GRM7: variants seen among roughly 807,000 people sequenced by gnomAD.
GRM7 encodes the protein metabotropic glutamate receptor 7.
GRM7 carries 35 observed loss-of-function variants against 84.5 expected under a neutral mutation model. The ratio of observed to expected loss-of-function variants is 0.41; its 90% CI spans 0.32 to 0.55. The LOEUF (loss-of-function observed/expected upper bound fraction) is 0.55. Among genes scored for constraint, GRM7 ranks in the 20% least tolerant of loss-of-function variants. GRM7 has a pLI of 0.19. For missense variants in GRM7, 1,003 were observed against 1,194.6 expected, an observed-to-expected ratio of 0.84 and a Z score of 2.36; for synonymous variants, 487 against 455.1, an observed-to-expected ratio of 1.07 and a Z score of -0.89.
At chr3:7,275,008 T>C (rs1013093529) in intron 2 of GRM7, among the ~76,000 whole-genome samples, 1 of 152,168 alleles carries the variant, frequency 6.6e-6, no homozygotes, top group Non-Finnish European at 1.5e-5. Context: ...TGTTTGCTTT[T>C]CCATTTTGGA....
chr3:7,274,166 A>G (rs1234801788), intron 2 of GRM7, among the ~76,000 whole-genome samples: 1 of 152,046 alleles, frequency 6.6e-6, no homozygotes, highest in Non-Finnish European at 1.5e-5. Context: ...TAGTATCAAA[A>G]TAATTCTAAT....
Position 7,562,546 on chromosome 3 carries a change from G to T in GRM7, c.1516-15876G>T, listed in dbSNP as rs574517063. On this transcript the variant is annotated intron_variant, in intron 7 of 9. Transcript: ENST00000357716. ...GTTCATGTTCTATAAGTTTTGCAATGACCCTACGAGTTCTTCTAGCCCAAG... is the reference window on the plus strand; with the variant it reads ...GTTCATGTTCTATAAGTTTTGCAATTACCCTACGAGTTCTTCTAGCCCAAG... Among the ~76,000 whole-genome samples the T allele has an allele frequency of 8.5e-5, 13 of 152,160 alleles. No homozygotes were observed. In the South Asian group the frequency reaches 2.7e-3, roughly 32 times the overall value.
At chr3:7,539,000 C>G (rs1217338669) in intron 7 of GRM7, among the ~76,000 whole-genome samples, 1 of 152,104 alleles carries the variant, frequency 6.6e-6, no homozygotes, top group Non-Finnish European at 1.5e-5. Flanking sequence ...AGCCCCACAC[C>G]AAAATTAACT....
chr3:6,983,944 C>A (rs554332166), intron 1 of GRM7, among the ~76,000 whole-genome samples: 1 of 152,164 alleles, frequency 6.6e-6, no homozygotes, highest in Non-Finnish European at 1.5e-5. Context: ...ACAAAACAAT[C>A]AAAATAACCC....
chr3:7,510,689 A>G (rs1700172854), intron 7 of GRM7, among the ~76,000 whole-genome samples: 1 of 152,212 alleles, frequency 6.6e-6, no homozygotes, highest in South Asian at 2.1e-4. Context: ...CCTGCTGTCT[A>G]TCATTGTGCA....
chr3:7,049,044 A>G (rs1696899329), intron 1 of GRM7, among the ~76,000 whole-genome samples: 1 of 152,018 alleles, frequency 6.6e-6, no homozygotes, highest in Non-Finnish European at 1.5e-5. Flanking sequence ...AATAAATTAT[A>G]TTCAATCAAT....
chr3:7,155,220 G>T (rs150538567), intron 2 of GRM7, among the ~76,000 whole-genome samples: 1 of 152,082 alleles, frequency 6.6e-6, no homozygotes, highest in African/African-American at 2.4e-5. Context: ...TGGCTTTTGG[G>T]AAAATAGGAC....
chr3:6,985,036 G>T (rs988367670), intron 1 of GRM7, among the ~76,000 whole-genome samples: 6 of 152,074 alleles, frequency 3.9e-5, no homozygotes, highest in Non-Finnish European at 8.8e-5. Flanking sequence ...ACACCTCCTG[G>T]TGTTTCCGCC....
intron 2 of GRM7, among the ~76,000 whole-genome samples, chr3:7,274,418 T>G (rs1698977666): frequency 6.6e-6 from 1 of 152,216 alleles, no homozygotes; most frequent in South Asian, 2.1e-4. Flanking sequence ...AAAAAACTTT[T>G]AACATTTTTT....
At chr3:7,647,393 T>C (rs1698696485) in intron 8 of GRM7, among the ~76,000 whole-genome samples, 1 of 152,002 alleles carries the variant, frequency 6.6e-6, no homozygotes, top group African/African-American at 2.4e-5. Context: ...ACCAACTAAC[T>C]CAACTGGGAA....
At chr3:7,394,777 C>G (rs184688314) in intron 4 of GRM7, among the ~76,000 whole-genome samples, 71 of 152,148 alleles carry the variant, frequency 4.7e-4, no homozygotes, top group African/African-American at 1.7e-3. Flanking sequence ...GTGGCTCATG[C>G]CTGTAATCCC....
intron 4 of GRM7, among the ~76,000 whole-genome samples, chr3:7,320,476 C>G (rs1177707510): frequency 6.6e-6 from 1 of 152,040 alleles, no homozygotes; most frequent in Non-Finnish European, 1.5e-5. Flanking sequence ...TCAGACTCTT[C>G]TCTCTATCCC....
At chr3:7,059,033 A>G (rs760520522) in intron 1 of GRM7, among the ~76,000 whole-genome samples, 1 of 151,860 alleles carries the variant, frequency 6.6e-6, no homozygotes, top group Non-Finnish European at 1.5e-5. Flanking sequence ...TGATTTCCTT[A>G]TTAACGCTAG....
intron 1 of GRM7, among the ~76,000 whole-genome samples, chr3:7,069,549 C>A (rs1172215273): frequency 6.6e-6 from 1 of 152,048 alleles, no homozygotes; most frequent in Non-Finnish European, 1.5e-5. Context: ...GGAGAATATC[C>A]AATGACATCA....
chr3:7,693,259 T>C (rs1464801178), intron 9 of GRM7, among the ~76,000 whole-genome samples: 1 of 152,150 alleles, frequency 6.6e-6, no homozygotes, highest in Non-Finnish European at 1.5e-5. Context: ...CTGCTTAAGG[T>C]AATCAAGTTT....
chr3:7,456,649 T>A (rs1425544836), intron 6 of GRM7, among the ~76,000 whole-genome samples: 20 of 151,832 alleles, frequency 1.3e-4, no homozygotes, highest in Non-Finnish European at 1.8e-4. Context: ...TCCTCTTAGA[T>A]CTGAGGTTGC....
At chr3:7,739,805 C>T (rs748079627) in intron 9 of GRM7, among the ~76,000 whole-genome samples, 1 of 152,150 alleles carries the variant, frequency 6.6e-6, no homozygotes, top group African/African-American at 2.4e-5. Context: ...TTTAAGTGAG[C>T]TTTACATCTT....
At chr3:6,985,505 C>T (rs1405029042) in intron 1 of GRM7, among the ~76,000 whole-genome samples, 1 of 152,168 alleles carries the variant, frequency 6.6e-6, no homozygotes, top group Non-Finnish European at 1.5e-5. Flanking sequence ...GGTTATCAAG[C>T]CACTTTCACA....
chr3:7,529,351 T>G (rs1700938007), intron 7 of GRM7, among the ~76,000 whole-genome samples: 1 of 152,102 alleles, frequency 6.6e-6, no homozygotes, highest in Non-Finnish European at 1.5e-5. Flanking sequence ...TAAGAGGCAC[T>G]TTGGAATGAA....
Sources: gnomAD v4.1 joint callset for allele counts (sites outside exome capture counted in the v4.1 genomes callset) on GRCh38, gnomAD v4.1.1 for gene constraint, MANE v1.5 for transcripts, NCBI Gene and HGNC (gene_info 2026-07-23, HGNC 2026-07-21) for gene names.